ADGRL2: variants seen among roughly 807,000 people sequenced by gnomAD.
ADGRL2 encodes the protein adhesion G protein-coupled receptor L2, also known as calcium-independent alpha-latrotoxin receptor 2.
Under a neutral mutation model 157.4 loss-of-function variants are expected in ADGRL2, and 44 were observed. The observed-to-expected ratio is 0.28, with a 90% CI of 0.22 to 0.36. The LOEUF is 0.36. Among genes scored for constraint, ADGRL2 ranks in the 10% least tolerant of loss-of-function variants. The pLI is 1.00. For synonymous variants in ADGRL2, 585 were observed against 624.7 expected (o/e 0.94, Z 0.95); for missense variants, 1,510 against 1,768.9 (o/e 0.85, Z 2.63).
intron 2 of ADGRL2, among the ~76,000 whole-genome samples, chr1:81,838,189 C>T (rs2092380180): frequency 6.6e-6 from 1 of 151,900 alleles, no homozygotes; most frequent in Non-Finnish European, 1.5e-5. Context: ...AAGAATTTTA[C>T]TTGAATTGCT....
Position 81,587,058 on chromosome 1 carries a change from G to A in ADGRL2, c.-143+6078G>A, listed in dbSNP as rs556363899. On this transcript the variant is annotated intron_variant, in intron 3 of 24. Transcript: ENST00000370721. ...GGAAAATGACTGAAGACAGGAGCAA[G>A]GAGAGAACCAATCAACTTGTCAGAC... Among the ~76,000 whole-genome samples the A allele has an allele frequency of 2.0e-3, 301 of 152,124 alleles. 2 individuals carry two copies. Among genetic ancestry groups the A allele is most frequent in the Non-Finnish European group, 3.2e-3 (216 of 68,000 alleles).
chr1:81,453,378 C>T (rs1214300618), intron 2 of ADGRL2, among the ~76,000 whole-genome samples: 4 of 152,046 alleles, frequency 2.6e-5, no homozygotes, highest in Non-Finnish European at 5.9e-5. Flanking sequence ...CTCGGTAAAT[C>T]AGTAAGTTTA....
rs113466524 is a variant in ADGRL2, at chr1:81,765,378, G to A, written c.-101+3526G>A. 3.2e-3 allele frequency among the ~76,000 whole-genome samples: 484 copies of A among 151,784 alleles called. 2 individuals carry two copies. Among genetic ancestry groups the A allele is most frequent in the African/African-American group, 0.011 (465 of 41,424 alleles). On this transcript the variant is annotated intron_variant, in intron 2 of 20. Coordinates refer to the ADGRL2 transcript ENST00000359929. ...ACCTCTTGTCTATAACCAAAATCAG[G>A]GGCAATGTAACAAATTATTGAATAA...
chr1:81,658,267 G>A (rs558394313), intron 3 of ADGRL2, among the ~76,000 whole-genome samples: 1 of 152,140 alleles, frequency 6.6e-6, no homozygotes, highest in Non-Finnish European at 1.5e-5. Context: ...AGCTAATTTT[G>A]TATTTTTAGT....
intron 2 of ADGRL2, among the ~76,000 whole-genome samples, chr1:81,789,688 C>T (rs1194600642): frequency 2.5e-5 from 3 of 119,148 alleles, no homozygotes; most frequent in African/African-American, 3.4e-5. Flanking sequence ...GGTGACAGAG[C>T]GAGTCTCCGT....
At chr1:81,552,284 TGAA>T (rs1557452829) in intron 2 of ADGRL2, among the ~76,000 whole-genome samples, 3 of 152,114 alleles carry the variant, frequency 2.0e-5, no homozygotes. Context: ...AGCAGCTGTT[TGAA>T]GAAGGATTTG....
At chr1:81,695,713 C>T (rs186229044), upstream of ADGRL2, among the ~76,000 whole-genome samples, 514 of 151,788 alleles carry the variant, frequency 3.4e-3, 8 homozygotes, top group African/African-American at 0.012. Flanking sequence ...CCCAGCTACT[C>T]GGGAGGCTGA....
chr1:81,717,214 G>A (rs1423856671), intron 1 of ADGRL2, among the ~76,000 whole-genome samples: 2 of 152,176 alleles, frequency 1.3e-5, no homozygotes, highest in African/African-American at 2.4e-5. Flanking sequence ...AGCTCCCTGA[G>A]AATGAAGCAT....
intron 1 of ADGRL2, among the ~76,000 whole-genome samples, chr1:81,835,239 T>C (rs1476002786): frequency 6.6e-6 from 1 of 152,090 alleles, no homozygotes; most frequent in African/African-American, 2.4e-5. Flanking sequence ...TTGCTTGGAA[T>C]CTAGAGTGGT....
At chr1:81,643,115 C>T (rs1465248742) in intron 3 of ADGRL2, among the ~76,000 whole-genome samples, 3 of 152,042 alleles carry the variant, frequency 2.0e-5, no homozygotes, top group Non-Finnish European at 4.4e-5. Flanking sequence ...AAAAAGTATA[C>T]AGATTGGGAA....
intron 1 of ADGRL2, among the ~76,000 whole-genome samples, chr1:81,813,432 CAAAG>C (rs1553159313): frequency 6.6e-6 from 1 of 151,574 alleles, no homozygotes; most frequent in Non-Finnish European, 1.5e-5. Context: ...GTTACTGTGA[CAAAG>C]AATAATCCTC....
At chr1:81,961,218 A>G (rs570761924) in intron 11 of ADGRL2, among the ~76,000 whole-genome samples, 17 of 152,314 alleles carry the variant, frequency 1.1e-4, no homozygotes, top group African/African-American at 4.1e-4. Context: ...TTTCAAGCAT[A>G]CAGAAAGTAG....
intron 18 of ADGRL2, chr1:81,980,768 C>G (rs780644914): frequency 1.5e-6 from 1 of 661,322 alleles, no homozygotes; most frequent in Non-Finnish European, 2.9e-6. Context: ...CTTCCTTTTC[C>G]TCTTTCTGTC....
chr1:81,862,769 TC>T (rs1245968375), intron 2 of ADGRL2, among the ~76,000 whole-genome samples: 1 of 152,142 alleles, frequency 6.6e-6, no homozygotes, highest in Non-Finnish European at 1.5e-5. Flanking sequence ...TACCAGTGTC[TC>T]CCATGCACTG....
intron 1 of ADGRL2, among the ~76,000 whole-genome samples, chr1:81,747,662 G>A (rs149395111): frequency 1.3e-4 from 19 of 151,434 alleles, no homozygotes; most frequent in African/African-American, 4.6e-4. Flanking sequence ...ATTCAACATA[G>A]TCCTTTATTT....
chr1:81,534,061 T>C (rs1307818890), intron 2 of ADGRL2, among the ~76,000 whole-genome samples: 7 of 152,250 alleles, frequency 4.6e-5, no homozygotes. Flanking sequence ...TTGTGCTGTT[T>C]ATTAAAATGT....
intron 2 of ADGRL2, among the ~76,000 whole-genome samples, chr1:81,558,739 T>G (rs2080373066): frequency 6.6e-6 from 1 of 152,212 alleles, no homozygotes; most frequent in African/African-American, 2.4e-5. Flanking sequence ...CAATACATGT[T>G]TGTTATTCTC....
chr1:81,901,281 G>A (rs1026372650), intron 2 of ADGRL2, among the ~76,000 whole-genome samples: 7 of 151,752 alleles, frequency 4.6e-5, no homozygotes, highest in African/African-American at 1.5e-4. Context: ...GAATTAAGAG[G>A]AAATATGATG....
chr1:81,557,489 G>GA (rs375485644), intron 2 of ADGRL2: 1 of 113,312 alleles, frequency 8.8e-6, no homozygotes. Flanking sequence ...AAAGAAGAAA[G>GA]AAAGAAAGAA....
Sources: allele counts gnomAD v4.1 joint callset (sites outside exome capture counted in the v4.1 genomes callset), GRCh38; gene constraint gnomAD v4.1.1; transcripts MANE v1.5; gene names NCBI Gene and HGNC (gene_info 2026-07-23, HGNC 2026-07-21).